Variants in AGO3 observed in about 807,000 individuals in gnomAD.
AGO3 encodes protein argonaute-3.
A neutral mutation model predicts 105.5 loss-of-function variants in AGO3; 16 were observed. That is an observed-to-expected ratio of 0.15 (90% CI 0.10 to 0.23). The LOEUF is 0.23. AGO3 is among the 10% of genes least tolerant of loss of function. AGO3 has a pLI of 1.00. For missense variants in AGO3, 534 were observed against 1,088.0 expected, an observed-to-expected ratio of 0.49 and a Z score of 7.16; for synonymous variants, 340 against 367.3, an observed-to-expected ratio of 0.93 and a Z score of 0.85.
intron 5 of AGO3, among the ~76,000 whole-genome samples, chr1:35,979,387 T>C (rs1404375635): frequency 6.6e-6 from 1 of 151,968 alleles, no homozygotes; most frequent in African/African-American, 2.4e-5. Context: ...GTGGTTTGTA[T>C]TTTTCCTTTT....
At position 36,058,089 on chromosome 1, in the gene AGO3, A is replaced by G. The variant is rs971954710; in HGVS notation, c.*2344A>G. On this transcript the variant is annotated 3_prime_UTR_variant, in exon 19 of 19. Coordinates refer to ENST00000373191, the MANE Select transcript of AGO3 (RefSeq NM_024852.4). The stretch of plus-strand genomic sequence containing the variant: ...ATTGTGAATAGCTTAACATATTTAA[A>G]TTATTTGCAAATAGATTGTGTTTAT... 1.3e-5 allele frequency: 2 copies of G among 152,352 alleles called. No homozygotes were observed. The highest frequency in any genetic ancestry group is 1.3e-4 in the Admixed American group (2 of 15,296). 9.4% of individuals were successfully genotyped at this position (152,352 alleles called of 1,614,324 possible).
At chr1:36,046,655 A>AAG (rs1642485666) in intron 17 of AGO3, among the ~76,000 whole-genome samples, 1 of 149,484 alleles carries the variant, frequency 6.7e-6, no homozygotes, top group African/African-American at 2.5e-5. Context: ...AAAAAAAAAA[A>AAG]GAGGTCATAC....
chr1:35,947,033 G>A (rs1219758760), intron 2 of AGO3, among the ~76,000 whole-genome samples: 1 of 152,126 alleles, frequency 6.6e-6, no homozygotes, highest in Admixed American at 6.5e-5. Flanking sequence ...TTTTGTAAAG[G>A]AAGAAGTTAA....
At chr1:36,004,814 A>G (rs752585280) in intron 6 of AGO3, among the ~76,000 whole-genome samples, 1 of 152,166 alleles carries the variant, frequency 6.6e-6, no homozygotes, top group Non-Finnish European at 1.5e-5. Flanking sequence ...ATATTTTATA[A>G]CTAGAATTAT....
chr1:36,071,885 T>C lies in AGO3; in HGVS notation c.*16140T>C, dbSNP rs1569985705. ...AATGGATGAGAGCAAGTCTATGATA[T>C]ATATGTAGTCATTGTATAATTAGAA... On this transcript the variant is annotated 3_prime_UTR_variant, in exon 19 of 19. Coordinates refer to ENST00000373191, the MANE Select transcript of AGO3 (RefSeq NM_024852.4). The C allele has an allele frequency of 6.6e-6, 1 of 152,136 alleles. No individual in the cohort carries two copies. The highest frequency in any genetic ancestry group is 1.9e-4 in the East Asian group (1 of 5,200). The allele number at this position is 152,136 out of a possible 1,614,324, so 9.4% of individuals were successfully genotyped here. A position where few individuals can be genotyped will look rare whatever the true frequency, so the allele number is the denominator to read the frequency against.
At chr1:35,959,282 G>A (rs1265439087) in intron 2 of AGO3, among the ~76,000 whole-genome samples, 2 of 152,150 alleles carry the variant, frequency 1.3e-5, no homozygotes, top group Non-Finnish European at 2.9e-5. Context: ...ATTGAAGTAA[G>A]GGTGGTAGGA....
intron 1 of AGO3, among the ~76,000 whole-genome samples, chr1:35,933,244 C>T (rs540966442): frequency 2.2e-4 from 33 of 152,218 alleles, no homozygotes; most frequent in African/African-American, 7.5e-4. Flanking sequence ...TATACTTTGG[C>T]TCAAGATTGT....
intron 11 of AGO3, among the ~76,000 whole-genome samples, chr1:36,026,657 A>G (rs1414026886): frequency 6.6e-6 from 1 of 152,242 alleles, no homozygotes; most frequent in Non-Finnish European, 1.5e-5. Flanking sequence ...AACAATAGCT[A>G]AAATGTATCA....
chr1:36,028,354 G>A (rs532536410), intron 12 of AGO3, among the ~76,000 whole-genome samples: 18 of 147,834 alleles, frequency 1.2e-4, no homozygotes, highest in African/African-American at 3.3e-4. Flanking sequence ...ACACTAACTC[G>A]TTATCTAGCA....
At chr1:36,005,030 A>G (rs978089555) in intron 6 of AGO3, among the ~76,000 whole-genome samples, 1 of 152,142 alleles carries the variant, frequency 6.6e-6, no homozygotes, top group African/African-American at 2.4e-5. Context: ...GTGCTGTTGC[A>G]TCATATGTAC....
chr1:35,938,840 C>T lies in AGO3; in HGVS notation c.20-6852C>T, dbSNP rs113576516. Among the ~76,000 whole-genome samples the T allele has an allele frequency of 9.3e-3, 1,409 of 152,040 alleles. 22 individuals are homozygous for T. Among genetic ancestry groups the T allele is most frequent in the African/African-American group, 0.032 (1,318 of 41,444 alleles). On this transcript the variant is annotated intron_variant, in intron 1 of 18. Coordinates refer to ENST00000373191, the MANE Select transcript of AGO3 (RefSeq NM_024852.4). ...ATGTTATAGTTGATTTTGATTTATTCACTGCTTGTTTTTTTTCATCAGTCA... is the reference window on the plus strand; with the variant it reads ...ATGTTATAGTTGATTTTGATTTATTTACTGCTTGTTTTTTTTCATCAGTCA...
intron 1 of AGO3, among the ~76,000 whole-genome samples, chr1:35,945,345 G>A (rs1646343175): frequency 6.6e-6 from 1 of 151,836 alleles, no homozygotes; most frequent in Admixed American, 6.6e-5. Flanking sequence ...GAGCCACCAT[G>A]CCCTGCCCTT....
At chr1:36,000,447 G>A (rs1640032674) in intron 5 of AGO3, among the ~76,000 whole-genome samples, 1 of 152,076 alleles carries the variant, frequency 6.6e-6, no homozygotes. Flanking sequence ...AGTAGAAGAG[G>A]ATTAAACAAG....
chr1:35,931,079 G>A (rs1646033661), upstream of AGO3: 2 of 390,690 alleles, frequency 5.1e-6, 1 homozygote, highest in Non-Finnish European at 9.1e-6. Context: ...AACTGACGCC[G>A]GCGAGCTTCC....
At chr1:36,054,567 G>T (rs1472216147) in intron 17 of AGO3, among the ~76,000 whole-genome samples, 1 of 151,724 alleles carries the variant, frequency 6.6e-6, no homozygotes, top group South Asian at 2.1e-4. Context: ...ATGTGACTTG[G>T]TATTAAATAT....
intron 5 of AGO3, among the ~76,000 whole-genome samples, chr1:35,988,276 A>C (rs1647301215): frequency 6.6e-6 from 1 of 152,214 alleles, no homozygotes; most frequent in African/African-American, 2.4e-5. Context: ...TGAATATAAC[A>C]ATCACCTCAT....
intron 2 of AGO3, among the ~76,000 whole-genome samples, chr1:35,959,507 A>G (rs1230870861): frequency 6.6e-6 from 1 of 152,200 alleles, no homozygotes; most frequent in Non-Finnish European, 1.5e-5. Flanking sequence ...GTGTTTACTC[A>G]GATTTTATTT....
At position 36,003,694 on chromosome 1, in the gene AGO3, C is replaced by CAAAAAAA. The variant is rs1209511459; in HGVS notation, c.659-637_659-631dup. ...GGGAAACAAGAGTGAAAGTCTGTCT[C>CAAAAAAA]AAAAAAAAAAAAAAAATATATATAT... On this transcript the variant is annotated intron_variant, in intron 5 of 18. Coordinates refer to ENST00000373191, the MANE Select transcript of AGO3 (RefSeq NM_024852.4). Among the ~76,000 whole-genome samples the CAAAAAAA allele has an allele frequency of 6.5e-4, 35 of 53,460 alleles. 1 individual carries two copies. Among genetic ancestry groups the CAAAAAAA allele is most frequent in the African/African-American group, 3.9e-3 (33 of 8,516 alleles). 35.1% of individuals were successfully genotyped at this position (53,460 alleles called of 152,430 possible).
chr1:36,025,543 G>A (rs1407696969), intron 11 of AGO3, among the ~76,000 whole-genome samples: 1 of 152,004 alleles, frequency 6.6e-6, no homozygotes, highest in African/African-American at 2.4e-5. Flanking sequence ...TAGGCTAAGT[G>A]AAAATACTCA....
Sources: gnomAD v4.1 joint callset for allele counts (sites outside exome capture counted in the v4.1 genomes callset) on GRCh38, gnomAD v4.1.1 for gene constraint, MANE v1.5 for transcripts, NCBI Gene and HGNC (gene_info 2026-07-23, HGNC 2026-07-21) for gene names.